The following NAV3 variants were observed in gnomAD, a reference collection of about 807,000 sequenced individuals.
NAV3 encodes pore membrane and/or filament interacting like protein 1.
In NAV3, 87 loss-of-function variants were observed where a neutral mutation model predicts 244.7. The observed-to-expected ratio is 0.36, with a 90% confidence interval of 0.30 to 0.42. The LOEUF (loss-of-function observed/expected upper bound fraction) is 0.42. NAV3 is among the 20% of genes least tolerant of loss of function. The pLI is 1.00. For missense variants in NAV3, 2,663 were observed against 2,893.3 expected, an observed-to-expected ratio of 0.92 and a Z score of 1.83; for synonymous variants, 1,126 against 1,042.2, an observed-to-expected ratio of 1.08 and a Z score of -1.55.
intron 12 of NAV3, among the ~76,000 whole-genome samples, chr12:78,110,241 A>G (rs1009046141): frequency 6.6e-6 from 1 of 152,100 alleles, no homozygotes; most frequent in Admixed American, 6.6e-5. Flanking sequence ...AGGAAGTTAA[A>G]GATCTCTGCA....
intron 2 of NAV3, among the ~76,000 whole-genome samples, chr12:77,794,204 C>T (rs1287353302): frequency 6.6e-6 from 1 of 151,962 alleles, no homozygotes; most frequent in Admixed American, 6.6e-5. Context: ...TTTAAAGTTC[C>T]TTGTAGATTA....
At chr12:77,682,142 C>G (rs1874501502) in intron 2 of NAV3, among the ~76,000 whole-genome samples, 1 of 152,080 alleles carries the variant, frequency 6.6e-6, no homozygotes, top group Non-Finnish European at 1.5e-5. Flanking sequence ...CTGCCACCCC[C>G]CACCTCGCCC....
intron 2 of NAV3, among the ~76,000 whole-genome samples, chr12:77,799,319 G>C (rs1184573284): frequency 1.3e-5 from 2 of 152,184 alleles, no homozygotes; most frequent in Admixed American, 6.6e-5. Context: ...CCTCGCTTTA[G>C]TGAAATTTTA....
chr12:78,085,190 G>A (rs1443584508), intron 12 of NAV3, among the ~76,000 whole-genome samples: 2 of 152,172 alleles, frequency 1.3e-5, no homozygotes, highest in African/African-American at 2.4e-5. Flanking sequence ...TCTAATGTCA[G>A]TGGCTTACAG....
intron 1 of NAV3, among the ~76,000 whole-genome samples, chr12:77,907,604 A>G (rs957962117): frequency 2.6e-5 from 4 of 152,138 alleles, no homozygotes; most frequent in South Asian, 2.1e-4. Flanking sequence ...TAGAATAACT[A>G]AGTAGCAATG....
At chr12:77,693,883 A>G (rs931685915) in intron 2 of NAV3, among the ~76,000 whole-genome samples, 4 of 152,126 alleles carry the variant, frequency 2.6e-5, no homozygotes, top group Non-Finnish European at 5.9e-5. Context: ...ATACAAAGAC[A>G]TCTGCCTGTG....
In NAV3 at chr12:77,884,160, G is replaced by A. The variant is rs375975787; in HGVS notation, c.243+52456G>A. Among the ~76,000 whole-genome samples, 489 of 152,212 alleles carry A rather than the reference G, an allele frequency of 3.2e-3. 4 individuals carry two copies. The highest frequency in any genetic ancestry group is 0.02 in the Middle Eastern group (6 of 294). On this transcript the variant is annotated intron_variant, in intron 1 of 39. Coordinates refer to ENST00000397909, the MANE Select transcript of NAV3 (RefSeq NM_001024383.2). ...AAGCAGTGTCAATTCTTGAAAAATG[G>A]TTGTGTTTTAGTTGGGATTCTCCAA...
intron 8 of NAV3, among the ~76,000 whole-genome samples, chr12:78,014,854 T>A (rs1034699116): frequency 6.6e-6 from 1 of 152,104 alleles, no homozygotes; most frequent in Non-Finnish European, 1.5e-5. Flanking sequence ...TGGTTTTATG[T>A]GAACTGGGCA....
chr12:77,741,146 G>GCCAAAAAAAAAAAAA (rs1868321359), intron 2 of NAV3, among the ~76,000 whole-genome samples: 1 of 7,372 alleles, frequency 1.4e-4, no homozygotes, highest in African/African-American at 4.4e-4. Context: ...AAAAAAAAAA[G>GCCAAAAAAAAAAAAA]ACAAAAAAAA....
At chr12:77,872,800 A>G (rs935192560) in intron 1 of NAV3, among the ~76,000 whole-genome samples, 1 of 152,046 alleles carries the variant, frequency 6.6e-6, no homozygotes, top group African/African-American at 2.4e-5. Context: ...TATTTATGTC[A>G]TTTTTTTCAT....
At chr12:77,580,848 G>T (rs1592471384) in intron 2 of NAV3, among the ~76,000 whole-genome samples, 3 of 152,210 alleles carry the variant, frequency 2.0e-5, no homozygotes, top group Admixed American at 6.5e-5. Flanking sequence ...CAGTCATGGA[G>T]ATGTTCACTG....
intron 2 of NAV3, among the ~76,000 whole-genome samples, chr12:77,766,113 T>C (rs554133011): frequency 9.2e-5 from 14 of 152,244 alleles, no homozygotes; most frequent in Admixed American, 9.2e-4. Context: ...AAATGGCAAA[T>C]GAAGACTTAT....
At chr12:77,616,782 A>G (rs546606352) in intron 2 of NAV3, among the ~76,000 whole-genome samples, 1 of 152,184 alleles carries the variant, frequency 6.6e-6, no homozygotes, top group African/African-American at 2.4e-5. Flanking sequence ...GCTCCATGCA[A>G]TTAGTCACCT....
At chr12:78,042,591 A>G (rs906217746) in intron 9 of NAV3, among the ~76,000 whole-genome samples, 4 of 151,758 alleles carry the variant, frequency 2.6e-5, no homozygotes, top group Non-Finnish European at 5.9e-5. Flanking sequence ...TCAGGAGTTC[A>G]AGAGCATTAT....
chr12:77,823,956 G>A (rs1466224413), intron 2 of NAV3, among the ~76,000 whole-genome samples: 1 of 152,136 alleles, frequency 6.6e-6, no homozygotes, highest in Non-Finnish European at 1.5e-5. Context: ...AGATGAAAAA[G>A]TATAGTGTGT....
intron 3 of NAV3, among the ~76,000 whole-genome samples, chr12:77,956,725 CTTAT>C (rs111942943): frequency 2.4e-3 from 358 of 149,614 alleles, no homozygotes; most frequent in African/African-American, 4.1e-3. Context: ...TAAAATCCAA[CTTAT>C]TTATTTATTT....
intron 2 of NAV3, among the ~76,000 whole-genome samples, chr12:77,603,611 A>G (rs1870537701): frequency 6.6e-6 from 1 of 152,116 alleles, no homozygotes; most frequent in Non-Finnish European, 1.5e-5. Context: ...ATGGATTAAT[A>G]AAAATTGAGT....
At chr12:77,698,242 G>T (rs190710179) in intron 2 of NAV3, among the ~76,000 whole-genome samples, 1 of 152,112 alleles carries the variant, frequency 6.6e-6, no homozygotes, top group Non-Finnish European at 1.5e-5. Context: ...CAACCACAGC[G>T]TTAATATCTT....
intron 2 of NAV3, among the ~76,000 whole-genome samples, chr12:77,781,645 G>GA (rs1335690936): frequency 6.6e-6 from 1 of 152,104 alleles, no homozygotes; most frequent in East Asian, 1.9e-4. Flanking sequence ...ATGTCATCAG[G>GA]ACCTCCTGAG....
Sources: gnomAD v4.1 joint callset for allele counts (sites outside exome capture counted in the v4.1 genomes callset) on GRCh38, gnomAD v4.1.1 for gene constraint, MANE v1.5 for transcripts, NCBI Gene and HGNC (gene_info 2026-07-23, HGNC 2026-07-21) for gene names.